The following DNAH14 variants were observed in gnomAD, a reference collection of about 807,000 sequenced individuals.
The protein encoded by DNAH14 is axonemal beta dynein heavy chain 14.
DNAH14 carries 478 observed loss-of-function variants against 520.9 expected under a neutral mutation model. The observed-to-expected ratio is 0.92, with a 90% CI of 0.85 to 0.99. DNAH14 has a LOEUF of 0.99. Ranked by LOEUF, DNAH14 falls within the 50% of genes least tolerant of loss-of-function variation. The probability of loss-of-function intolerance (pLI) is 0.00; values close to 1 mark genes in which losing one functional copy is unlikely to be tolerated. For synonymous variants in DNAH14, 1,581 were observed against 1,757.2 expected, an observed-to-expected ratio of 0.90 and a Z score of 2.51; for missense variants, 4,831 against 5,234.5, an observed-to-expected ratio of 0.92 and a Z score of 2.38.
chr1:225,042,124 G>A (rs762325174), intron 12 of DNAH14, among the ~76,000 whole-genome samples: 14 of 152,234 alleles, frequency 9.2e-5, no homozygotes, highest in South Asian at 2.1e-4. Flanking sequence ...TATTTATAAC[G>A]TTAACTGCCT....
intron 21 of DNAH14, among the ~76,000 whole-genome samples, chr1:225,089,465 AGAG>A (rs1481663230): frequency 1.4e-5 from 2 of 138,324 alleles, no homozygotes; most frequent in African/African-American, 2.9e-5. Context: ...AAAAAAAAAA[AGAG>A]AGCGAGAGAA....
intron 49 of DNAH14, among the ~76,000 whole-genome samples, chr1:225,267,867 G>A (rs1448628517): frequency 6.6e-6 from 1 of 151,852 alleles, no homozygotes; most frequent in Non-Finnish European, 1.5e-5. Context: ...AGCCAAGGCA[G>A]AGGGGAAGAA....
At chr1:225,065,612 A>G (rs1315036241) in intron 17 of DNAH14, among the ~76,000 whole-genome samples, 1 of 151,976 alleles carries the variant, frequency 6.6e-6, no homozygotes, top group East Asian at 1.9e-4. Flanking sequence ...AACATGTGAT[A>G]TTTGTCTTTC....
intron 67 of DNAH14, among the ~76,000 whole-genome samples, chr1:225,337,700 T>G (rs1574894346): frequency 6.6e-6 from 1 of 152,306 alleles, no homozygotes; most frequent in East Asian, 1.9e-4. Flanking sequence ...TCCAGATATT[T>G]AATAAAACTT....
At chr1:225,102,145 G>T (rs970623540) in intron 23 of DNAH14, among the ~76,000 whole-genome samples, 1 of 149,818 alleles carries the variant, frequency 6.7e-6, no homozygotes, top group Non-Finnish European at 1.5e-5. Flanking sequence ...GCGGTGTTTG[G>T]TTTTTTCTCC....
At chr1:225,220,355 AG>A (rs2089922733) in intron 41 of DNAH14, among the ~76,000 whole-genome samples, 1 of 152,226 alleles carries the variant, frequency 6.6e-6, no homozygotes. Context: ...ATAGGAAGAG[AG>A]GATGTCAAAT....
chr1:225,372,731 A>G (rs1195782162), intron 77 of DNAH14, among the ~76,000 whole-genome samples: 1 of 152,216 alleles, frequency 6.6e-6, no homozygotes, highest in Non-Finnish European at 1.5e-5. Flanking sequence ...AAAAACTTTT[A>G]TATGGTAAAT....
At chr1:225,163,144 A>G (rs888620655) in intron 35 of DNAH14, among the ~76,000 whole-genome samples, 3 of 150,652 alleles carry the variant, frequency 2.0e-5, no homozygotes, top group African/African-American at 7.3e-5. Context: ...TCTCAAAAAA[A>G]AAAAAAAAAA....
chr1:225,191,433 T>C (rs2085425881), intron 37 of DNAH14, among the ~76,000 whole-genome samples: 1 of 152,044 alleles, frequency 6.6e-6, no homozygotes, highest in African/African-American at 2.4e-5. Flanking sequence ...CTGATGAGAA[T>C]TGACTTTTAA....
intron 43 of DNAH14, among the ~76,000 whole-genome samples, chr1:225,247,047 T>TA (rs1239631036): frequency 6.6e-6 from 1 of 152,052 alleles, no homozygotes; most frequent in South Asian, 2.1e-4. Flanking sequence ...TATGCAGCCA[T>TA]AAAAAAGAAT....
chr1:225,084,744 T>A (rs1233850422), intron 20 of DNAH14, among the ~76,000 whole-genome samples: 1 of 32,764 alleles, frequency 3.1e-5, no homozygotes, highest in Non-Finnish European at 1.7e-4. Flanking sequence ...TTGGAAGATC[T>A]GACTATTTGT....
chr1:225,179,310 ACTTT>A (rs2083700889), intron 36 of DNAH14, among the ~76,000 whole-genome samples: 1 of 151,776 alleles, frequency 6.6e-6, no homozygotes, highest in Non-Finnish European at 1.5e-5. Context: ...TTCTTTTCTT[ACTTT>A]CTTCCTTTGT....
chr1:225,113,961 G>A (rs1034464622), intron 23 of DNAH14, among the ~76,000 whole-genome samples: 1 of 152,166 alleles, frequency 6.6e-6, no homozygotes, highest in Non-Finnish European at 1.5e-5. Flanking sequence ...GTGCCTGCTT[G>A]GTGCTCTACC....
At chr1:225,016,745 T>TC (rs1192040440) in intron 10 of DNAH14, among the ~76,000 whole-genome samples, 1 of 151,890 alleles carries the variant, frequency 6.6e-6, no homozygotes, top group Non-Finnish European at 1.5e-5. Flanking sequence ...CTTTTTCTTT[T>TC]CTTTTTTTTT....
intron 49 of DNAH14, among the ~76,000 whole-genome samples, chr1:225,270,165 C>T (rs978743337): frequency 6.6e-6 from 1 of 152,014 alleles, no homozygotes; most frequent in Non-Finnish European, 1.5e-5. Context: ...AGCTCATGTC[C>T]TTTGTAGGGA....
intron 56 of DNAH14, among the ~76,000 whole-genome samples, chr1:225,301,796 G>T (rs2094144352): frequency 1.3e-5 from 2 of 152,050 alleles, no homozygotes; most frequent in Admixed American, 1.3e-4. Context: ...TTAGTAATCT[G>T]TCACAAGGAG....
chr1:225,207,902 G>C (rs574914532), intron 41 of DNAH14, among the ~76,000 whole-genome samples: 1 of 152,260 alleles, frequency 6.6e-6, no homozygotes, highest in African/African-American at 2.4e-5. Flanking sequence ...AAAATATTTA[G>C]GTGTGTACTT....
chr1:225,285,006 A>C (rs2093704835), intron 54 of DNAH14, among the ~76,000 whole-genome samples: 1 of 152,146 alleles, frequency 6.6e-6, no homozygotes, highest in African/African-American at 2.4e-5. Context: ...TCTGTGAAAA[A>C]CTTACAGCTA....
At chr1:225,395,146 T>C (rs1378963724) in intron 84 of DNAH14, among the ~76,000 whole-genome samples, 1 of 152,200 alleles carries the variant, frequency 6.6e-6, no homozygotes, top group Non-Finnish European at 1.5e-5. Flanking sequence ...GAATGGAAGC[T>C]AAATGTGATG....
Sources: gnomAD v4.1 joint callset for allele counts (sites outside exome capture counted in the v4.1 genomes callset) on GRCh38, gnomAD v4.1.1 for gene constraint, MANE v1.5 for transcripts, NCBI Gene and HGNC (gene_info 2026-07-23, HGNC 2026-07-21) for gene names.